The following PERP variants were observed in gnomAD, a reference collection of about 807,000 sequenced individuals.
PERP encodes the protein p53 apoptosis effector related to PMP-22.
In PERP, 11 loss-of-function variants were observed where a neutral mutation model predicts 20.3. The ratio of observed to expected loss-of-function variants is 0.54; its 90% CI spans 0.34 to 0.90. The LOEUF (loss-of-function observed/expected upper bound fraction) is 0.90, where lower values mean the gene tolerates loss of function less well. Among genes scored for constraint, PERP ranks in the 40% least tolerant of loss-of-function variants. PERP has a pLI of 0.02. For synonymous variants in PERP, 101 were observed against 102.0 expected, an observed-to-expected ratio of 0.99 and a Z score of 0.06; for missense variants, 224 against 249.4, an observed-to-expected ratio of 0.90 and a Z score of 0.69.
intron 1 of PERP, among the ~76,000 whole-genome samples, chr6:138,099,678 A>G (rs1775744384): frequency 6.6e-6 from 1 of 152,226 alleles, no homozygotes; most frequent in South Asian, 2.1e-4. Flanking sequence ...TACCTATTTG[A>G]GGAAAATTAA....
chr6:138,107,166 C>T lies in PERP; in HGVS notation c.175G>A (p.Gly59Arg), dbSNP rs146568280. The T allele has an allele frequency of 3.1e-3, 5,013 of 1,611,350 alleles. 12 individuals are homozygous for T. The highest frequency in any genetic ancestry group is 3.8e-3 in the Non-Finnish European group (4,459 of 1,179,238). Residue 59 changes from glycine to arginine, a missense_variant, in exon 1 of 3, where the codon GGG (glycine) becomes AGG (arginine). Physicochemically the swap from Gly to Arg is moderately radical, Grantham distance 125 (BLOSUM62 -2). Coordinates refer to ENST00000421351, the MANE Select transcript of PERP (RefSeq NM_022121.5). The surrounding 1 kb of genome is among the most constrained non-coding windows in gnomAD (Gnocchi z 4.8). Reference sequence around the variant, plus strand: ...CTCTGACAGCCCTCCTCGTAGGACCCGCTGCCGCCGCCCTCTTGGGAGCAT... The same window carrying T: ...CTCTGACAGCCCTCCTCGTAGGACCTGCTGCCGCCGCCCTCTTGGGAGCAT... Reference protein sequence around the residue: ...WKCSQEGGGSGSYEEGCQSLM... With the variant: ...WKCSQEGGGSRSYEEGCQSLM...
At position 138,088,652 on chromosome 6, in the gene PERP, G is replaced by C. The variant is rs1034244149; in HGVS notation, c.*3390C>G. 9 of 152,132 alleles carry C rather than the reference G, an allele frequency of 5.9e-5. No homozygotes were observed. Among genetic ancestry groups the C allele is most frequent in the Non-Finnish European group, 1.3e-4 (9 of 68,064 alleles). The allele number at this position is 152,132 out of a possible 1,614,324, so 9.4% of individuals were successfully genotyped here. A position where few individuals can be genotyped will look rare whatever the true frequency, so the allele number is the denominator to read the frequency against. ...CTTTCTTGGCTTTTTCCACACCCTA[G>C]GTGGATTACACTCACCCTGACACAC... On this transcript the variant is annotated 3_prime_UTR_variant, in exon 3 of 3. Transcript: ENST00000421351.
intron 2 of PERP, among the ~76,000 whole-genome samples, chr6:138,092,771 A>G (rs1690717644): frequency 6.6e-6 from 1 of 152,216 alleles, no homozygotes; most frequent in African/African-American, 2.4e-5. Flanking sequence ...TATTCATTCA[A>G]TAAGTAAATG....
chr6:138,101,717 G>A (rs184510648), intron 1 of PERP, among the ~76,000 whole-genome samples: 1 of 152,266 alleles, frequency 6.6e-6, no homozygotes, highest in Non-Finnish European at 1.5e-5. Context: ...AACACAGGCA[G>A]AACTGAAAAC....
At position 138,092,274 on chromosome 6, in the gene PERP, G is replaced by A. The variant is rs1474060925; in HGVS notation, c.356-6C>T. ...GGAGATGATCTGGAACACAGCTAAA[G>A]GGAAGAAAAAAATCCCAGGGTATGA... On this transcript the variant is annotated splice_polypyrimidine_tract_variant and splice_region_variant and intron_variant, in intron 2 of 2. Coordinates refer to ENST00000421351, the MANE Select transcript of PERP (RefSeq NM_022121.5). 6.2e-7 allele frequency: 1 copy of A among 1,609,180 alleles called. No individual in the cohort carries two copies. The highest frequency in any genetic ancestry group is 8.5e-7 in the Non-Finnish European group (1 of 1,176,048).
At chr6:138,103,218 T>G (rs1775800169) in intron 1 of PERP, among the ~76,000 whole-genome samples, 1 of 151,882 alleles carries the variant, frequency 6.6e-6, no homozygotes, top group South Asian at 2.1e-4. Flanking sequence ...GGCCCAATCT[T>G]GGCTCACTGC....
intron 1 of PERP, among the ~76,000 whole-genome samples, chr6:138,098,902 G>A (rs1775734888): frequency 6.6e-6 from 1 of 152,088 alleles, no homozygotes; most frequent in African/African-American, 2.4e-5. Context: ...AGAGACTTGA[G>A]AGATAAGGTT....
chr6:138,090,352 A>G lies in PERP; in HGVS notation c.*1690T>C, dbSNP rs1775558079. The G allele has an allele frequency of 6.6e-6, 1 of 152,186 alleles. No homozygotes were observed. Among genetic ancestry groups the G allele is most frequent in the Non-Finnish European group, 1.5e-5 (1 of 68,064 alleles). The allele number at this position is 152,186 out of a possible 1,614,324, so 9.4% of individuals were successfully genotyped here. A position where few individuals can be genotyped will look rare whatever the true frequency, so the allele number is the denominator to read the frequency against. On this transcript the variant is annotated 3_prime_UTR_variant, in exon 3 of 3. Coordinates refer to ENST00000421351, the MANE Select transcript of PERP (RefSeq NM_022121.5). ...ACATATGACTTATGGTGGGAAAAAA[A>G]ATAACAAATGATAAAATGGGAAGGA...
Position 138,107,078 on chromosome 6 carries a change from C to A in PERP, c.214+49G>T, listed in dbSNP as rs780833351. ...GCGCGGCGGCTTTTGCAGGCCGCGG[C>A]CCCGAGGGCTTCCTGGAGGCGGCGA... On this transcript the variant is annotated intron_variant, in intron 1 of 2. Transcript: ENST00000421351. The surrounding 1 kb of genome is among the most constrained non-coding windows in gnomAD (Gnocchi z 4.8). The A allele has an allele frequency of 3.2e-6, 5 of 1,554,736 alleles. No homozygotes were observed. In the East Asian group the frequency reaches 1.1e-4, roughly 35 times the overall value.
intron 2 of PERP, among the ~76,000 whole-genome samples, chr6:138,095,889 T>C (rs895147494): frequency 6.6e-6 from 1 of 151,956 alleles, no homozygotes; most frequent in African/African-American, 2.4e-5. Context: ...CCTCCCAGGG[T>C]CTTCCATCCC....
At position 138,092,072 on chromosome 6, in the gene PERP, G is replaced by T. The variant is rs780410787; in HGVS notation, c.552C>A (p.Ala184=). The T allele has an allele frequency of 1.2e-6, 2 of 1,613,992 alleles. No individual in the cohort carries two copies. Among genetic ancestry groups the T allele is most frequent in the Non-Finnish European group, 1.7e-6 (2 of 1,179,962 alleles). Reference sequence around the variant, plus strand: ...CAGATGTGTAGAAGTACCTGGGCTTGGCATTGCCCAGAAGGTCATCTTCGT... The same window carrying T: ...CAGATGTGTAGAAGTACCTGGGCTTTGCATTGCCCAGAAGGTCATCTTCGT... ...PNYEDDLLGN[A]KPRYFYTSA Residue 184 remains alanine, a synonymous_variant, in exon 3 of 3, where the codon GCC becomes GCA. Transcript: ENST00000421351.
At chr6:138,099,993 C>T (rs1025815505) in intron 1 of PERP, among the ~76,000 whole-genome samples, 1 of 152,194 alleles carries the variant, frequency 6.6e-6, no homozygotes, top group Non-Finnish European at 1.5e-5. Flanking sequence ...AAAACCTGCT[C>T]CTTGCATCAC....
At chr6:138,099,544 G>C (rs1332057248) in intron 1 of PERP, among the ~76,000 whole-genome samples, 1 of 151,972 alleles carries the variant, frequency 6.6e-6, no homozygotes, top group African/African-American at 2.4e-5. Flanking sequence ...ATAAAAACAG[G>C]CAAAACCTCC....
chr6:138,092,943 A>T (rs935012204), intron 2 of PERP, among the ~76,000 whole-genome samples: 1 of 152,154 alleles, frequency 6.6e-6, no homozygotes, highest in Non-Finnish European at 1.5e-5. Context: ...AAAGCAGCAA[A>T]TGATCACAGT....
chr6:138,093,654 C>T (rs762117649), intron 2 of PERP, among the ~76,000 whole-genome samples: 1 of 152,040 alleles, frequency 6.6e-6, no homozygotes, highest in Non-Finnish European at 1.5e-5. Context: ...TTAAATATTG[C>T]TATTTATCGA....
chr6:138,100,727 C>T (rs1775758669), intron 1 of PERP, among the ~76,000 whole-genome samples: 1 of 152,078 alleles, frequency 6.6e-6, no homozygotes. Flanking sequence ...TAAGGGAAGA[C>T]CAATTTGGTG....
chr6:138,106,319 G>T (rs1224180369), intron 1 of PERP, among the ~76,000 whole-genome samples: 1 of 152,190 alleles, frequency 6.6e-6, no homozygotes, highest in Non-Finnish European at 1.5e-5. Flanking sequence ...CACTGTGAAA[G>T]AAAATGCCTT....
intron 2 of PERP, among the ~76,000 whole-genome samples, chr6:138,094,002 A>G (rs1461789429): frequency 1.3e-5 from 2 of 152,188 alleles, no homozygotes; most frequent in African/African-American, 2.4e-5. Flanking sequence ...TCACTGAACT[A>G]ATTTTCTTTA....
chr6:138,101,545 T>G (rs1186097593), intron 1 of PERP, among the ~76,000 whole-genome samples: 1 of 152,178 alleles, frequency 6.6e-6, no homozygotes, highest in African/African-American at 2.4e-5. Context: ...CTGCATTCTT[T>G]GGTAGTTTTA....
Sources: allele counts gnomAD v4.1 joint callset (sites outside exome capture counted in the v4.1 genomes callset), GRCh38; gene constraint gnomAD v4.1.1; non-coding constraint Gnocchi (gnomAD v3.1); transcripts MANE v1.5; gene names NCBI Gene and HGNC (gene_info 2026-07-23, HGNC 2026-07-21).